The following MDGA2 variants were observed in gnomAD, a reference collection of about 807,000 sequenced individuals.
MDGA2 encodes MAM domain containing glycosylphosphatidylinositol anchor 2, also known as MAM domain-containing glycosylphosphatidylinositol anchor protein 2.
MDGA2 carries 40 observed loss-of-function variants against 117.8 expected under a neutral mutation model. That is an observed-to-expected ratio of 0.34 (90% CI 0.26 to 0.44). The LOEUF (loss-of-function observed/expected upper bound fraction) is 0.44. Ranked by LOEUF, MDGA2 falls within the 20% of genes least tolerant of loss-of-function variation. The pLI is 1.00. For synonymous variants in MDGA2, 452 were observed against 439.0 expected, an observed-to-expected ratio of 1.03 and a Z score of -0.37; for missense variants, 1,123 against 1,250.6, an observed-to-expected ratio of 0.90 and a Z score of 1.54.
chr14:47,582,026 A>G (rs1896238131), intron 1 of MDGA2, among the ~76,000 whole-genome samples: 1 of 151,948 alleles, frequency 6.6e-6, no homozygotes, highest in Non-Finnish European at 1.5e-5. Flanking sequence ...TGACATAATA[A>G]TATTATCTAT....
intron 2 of MDGA2, among the ~76,000 whole-genome samples, chr14:47,240,881 A>G (rs552792686): frequency 8.6e-5 from 13 of 152,026 alleles, no homozygotes; most frequent in African/African-American, 2.9e-4. Context: ...ATATTTTATT[A>G]CCAATTACTT....
At chr14:47,314,660 A>C (rs1173394728) in intron 1 of MDGA2, among the ~76,000 whole-genome samples, 1 of 152,096 alleles carries the variant, frequency 6.6e-6, no homozygotes, top group East Asian at 1.9e-4. Context: ...CTTGGGTGAC[A>C]GCAAGATTCT....
At chr14:47,453,998 G>A (rs1893293639) in intron 1 of MDGA2, among the ~76,000 whole-genome samples, 1 of 152,034 alleles carries the variant, frequency 6.6e-6, no homozygotes, top group South Asian at 2.1e-4. Flanking sequence ...AAAAGATGAT[G>A]TAGCAGATGT....
intron 1 of MDGA2, among the ~76,000 whole-genome samples, chr14:47,362,029 C>G (rs112521511): frequency 1.6e-4 from 24 of 152,048 alleles, no homozygotes; most frequent in African/African-American, 5.8e-4. Flanking sequence ...AGTTTGTAAC[C>G]TCCAATGAGA....
At chr14:47,292,364 A>T (rs1888920350) in intron 2 of MDGA2, among the ~76,000 whole-genome samples, 1 of 152,096 alleles carries the variant, frequency 6.6e-6, no homozygotes, top group Non-Finnish European at 1.5e-5. Flanking sequence ...CAGTGTGAGG[A>T]TCCTGCTTGT....
intron 8 of MDGA2, among the ~76,000 whole-genome samples, chr14:47,000,107 A>G (rs1211984253): frequency 6.6e-6 from 1 of 151,502 alleles, no homozygotes; most frequent in East Asian, 1.9e-4. Context: ...TAAAAATATT[A>G]TAGCTAAAAA....
chr14:47,665,560 G>A (rs1182095829), intron 1 of MDGA2, among the ~76,000 whole-genome samples: 5 of 152,148 alleles, frequency 3.3e-5, no homozygotes, highest in South Asian at 2.1e-4. Context: ...CCAGGGCTGC[G>A]CTGGGCACTT....
chr14:46,896,412 A>G (rs920502325), intron 10 of MDGA2, among the ~76,000 whole-genome samples: 3 of 152,130 alleles, frequency 2.0e-5, no homozygotes, highest in Admixed American at 1.3e-4. Context: ...TGTCAGTAAT[A>G]TTTTCTTCTC....
chr14:47,314,778 A>C (rs554392087), intron 1 of MDGA2, among the ~76,000 whole-genome samples: 14 of 152,310 alleles, frequency 9.2e-5, no homozygotes, highest in Admixed American at 1.3e-4. Context: ...GTAAAATTAT[A>C]AATATCAAGC....
chr14:47,366,719 T>A (rs1891238595), intron 1 of MDGA2, among the ~76,000 whole-genome samples: 1 of 151,758 alleles, frequency 6.6e-6, no homozygotes, highest in Admixed American at 6.6e-5. Flanking sequence ...AGTACAGTTT[T>A]TATTATTGTT....
intron 9 of MDGA2, among the ~76,000 whole-genome samples, chr14:46,921,470 G>A (rs1469541870): frequency 6.6e-6 from 1 of 151,438 alleles, no homozygotes. Context: ...AGAGCCAGGT[G>A]TGGTGGAGTG....
intron 1 of MDGA2, among the ~76,000 whole-genome samples, chr14:47,479,821 T>A (rs2138632337): frequency 6.6e-6 from 1 of 152,230 alleles, no homozygotes; most frequent in Middle Eastern, 3.4e-3. Flanking sequence ...AGTGATGGCA[T>A]CACCTTCCCA....
intron 1 of MDGA2, among the ~76,000 whole-genome samples, chr14:47,612,694 C>T (rs1896874459): frequency 6.6e-6 from 1 of 152,070 alleles, no homozygotes; most frequent in Non-Finnish European, 1.5e-5. Flanking sequence ...TAAAAGCTAT[C>T]TATACTTTGT....
intron 8 of MDGA2, among the ~76,000 whole-genome samples, chr14:47,008,366 A>C (rs781752293): frequency 2.0e-5 from 3 of 151,894 alleles, no homozygotes; most frequent in Non-Finnish European, 4.4e-5. Flanking sequence ...TTGTTCTCCT[A>C]ATTGGCTCAT....
chr14:47,347,291 G>A (rs755319317), intron 1 of MDGA2, among the ~76,000 whole-genome samples: 3 of 152,182 alleles, frequency 2.0e-5, no homozygotes, highest in Non-Finnish European at 2.9e-5. Context: ...GATTAAGAAT[G>A]GGTACCTTGA....
chr14:47,262,137 T>C (rs1441802306), intron 2 of MDGA2, among the ~76,000 whole-genome samples: 4 of 152,090 alleles, frequency 2.6e-5, no homozygotes, highest in African/African-American at 7.2e-5. Context: ...CACTCAGAAA[T>C]GCAAAAGACT....
intron 1 of MDGA2, among the ~76,000 whole-genome samples, chr14:47,535,473 A>C (rs1268643251): frequency 1.3e-5 from 2 of 152,226 alleles, no homozygotes; most frequent in Non-Finnish European, 2.9e-5. Flanking sequence ...AGACTTTGAG[A>C]GGTAACTGGC....
At chr14:46,857,387 C>T (rs561857893) in intron 14 of MDGA2, among the ~76,000 whole-genome samples, 14 of 151,094 alleles carry the variant, frequency 9.3e-5, no homozygotes, top group Admixed American at 4.6e-4. Flanking sequence ...AGAATTCAGG[C>T]GGGTTTTTTT....
chr14:47,053,593 G>T (rs1175363708), intron 7 of MDGA2, among the ~76,000 whole-genome samples: 1 of 117,486 alleles, frequency 8.5e-6, no homozygotes, highest in Non-Finnish European at 1.7e-5. Flanking sequence ...TACTCCTAGT[G>T]TGTATGTGTA....
Sources: allele counts gnomAD v4.1 joint callset (sites outside exome capture counted in the v4.1 genomes callset), GRCh38; gene constraint gnomAD v4.1.1; transcripts MANE v1.5; gene names NCBI Gene and HGNC (gene_info 2026-07-23, HGNC 2026-07-21).